DNAH9: variants seen among roughly 807,000 people sequenced by gnomAD.
DNAH9 encodes dynein axonemal heavy chain 9.
A neutral mutation model predicts 471.6 loss-of-function variants in DNAH9; 345 were observed. The ratio of observed to expected loss-of-function variants is 0.73; its 90% confidence interval spans 0.67 to 0.80. The LOEUF is 0.80. DNAH9 is among the 30% of genes least tolerant of loss of function. The pLI, the probability that DNAH9 is intolerant of heterozygous loss-of-function variation, is 0.00. For missense variants in DNAH9, 5,407 were observed against 5,609.2 expected, an observed-to-expected ratio of 0.96 and a Z score of 1.15; for synonymous variants, 2,093 against 2,123.6, an observed-to-expected ratio of 0.99 and a Z score of 0.40.
Position 11,619,616 on chromosome 17 carries a change from A to T in DNAH9, c.1185A>T (p.Gln395His), listed in dbSNP as rs1252302032. The T allele has an allele frequency of 3.7e-6, 6 of 1,614,206 alleles. No individual in the cohort carries two copies. Among genetic ancestry groups the T allele is most frequent in the Non-Finnish European group, 5.1e-6 (6 of 1,179,994 alleles). Residue 395 changes from glutamine (Q) to histidine (H), a missense_variant, in exon 6 of 69, where the codon CAA becomes CAT. Physicochemically the swap from Gln to His is conservative, Grantham distance 24. Around this residue, in one of 3 missense-constraint regions of DNAH9, gnomAD observed 767 missense variants for 692.5 expected, o/e 1.11. Coordinates refer to ENST00000262442, the MANE Select transcript of DNAH9 (RefSeq NM_001372.4). ...TAGAAGAAAGTCAGAGAAAACTGCA[A>T]GTGGTCTCAGACACTTTGAGCTTCT... ...SEVEESQRKL[Q>H]VVSDTLSFFK...
At chr17:11,845,001 T>C (rs1258952576) in intron 49 of DNAH9, among the ~76,000 whole-genome samples, 1 of 141,484 alleles carries the variant, frequency 7.1e-6, no homozygotes, top group Admixed American at 6.9e-5. Flanking sequence ...TTTACCATCT[T>C]TTTTTTTTTA....
At chr17:11,852,589 T>A (rs1466803995) in intron 49 of DNAH9, among the ~76,000 whole-genome samples, 1 of 151,854 alleles carries the variant, frequency 6.6e-6, no homozygotes, top group East Asian at 1.9e-4. Context: ...GTTCTTCAGA[T>A]GGAAGGTGCA....
At position 11,744,968 on chromosome 17, in the gene DNAH9, G is replaced by C; in HGVS notation, c.6283G>C (p.Gly2095Arg). The change falls in exon 31 of 69, where the codon GGG becomes CGG. Residue 2095 changes from glycine (G) to arginine (R), a missense_variant. Physicochemically the swap from Gly to Arg is moderately radical, Grantham distance 125. Around this residue, in one of 3 missense-constraint regions of DNAH9, gnomAD observed 4,636 missense variants for 4,900.3 expected, o/e 0.95. Coordinates refer to ENST00000262442, the MANE Select transcript of DNAH9 (RefSeq NM_001372.4). ...CATGCCCATCTTCATGGGCCTGATCGGGGACCTCTTTCCCGCCCTGGATGT... is the reference window on the plus strand; with the variant it reads ...CATGCCCATCTTCATGGGCCTGATCCGGGACCTCTTTCCCGCCCTGGATGT... The part of the protein sequence containing the change: ...DDMPIFMGLI[G>R]DLFPALDVPR... The C allele has an allele frequency of 6.2e-7, 1 of 1,614,110 alleles. No individual in the cohort carries two copies. The highest frequency in any genetic ancestry group is 8.5e-7 in the Non-Finnish European group (1 of 1,180,016).
intron 26 of DNAH9, among the ~76,000 whole-genome samples, chr17:11,708,593 G>T (rs1304342704): frequency 6.6e-6 from 1 of 152,062 alleles, no homozygotes; most frequent in African/African-American, 2.4e-5. Context: ...ATCCTGTCTG[G>T]GTTAAAGGAA....
chr17:11,667,134 A>G (rs951643306), intron 15 of DNAH9, among the ~76,000 whole-genome samples: 1 of 152,234 alleles, frequency 6.6e-6, no homozygotes, highest in Non-Finnish European at 1.5e-5. Context: ...AAAATCTCAT[A>G]CAGTCAAAAC....
intron 1 of DNAH9, among the ~76,000 whole-genome samples, chr17:11,606,673 G>A (rs2072515507): frequency 6.6e-6 from 1 of 151,768 alleles, no homozygotes; most frequent in African/African-American, 2.4e-5. Flanking sequence ...TGGTCTTGAT[G>A]TCCTGATCTC....
Position 11,823,051 on chromosome 17 carries a change from T to C in DNAH9, c.9246+17T>C. ...TCTGCCCAGGTGAGCAATGTCCCGC[T>C]CCTTCCACCTGCAGGGGACTTGGAG... On this transcript the variant is annotated intron_variant, in intron 48 of 68. Coordinates refer to ENST00000262442, the MANE Select transcript of DNAH9 (RefSeq NM_001372.4). 1 of 1,594,676 alleles carries C rather than the reference T, an allele frequency of 6.3e-7. No individual in the cohort carries two copies. Among genetic ancestry groups the C allele is most frequent in the South Asian group, 1.1e-5 (1 of 89,046 alleles).
chr17:11,905,566 A>G, intron 60 of DNAH9, 95 bp from the exon 61 acceptor site: 4 of 1,089,138 alleles, frequency 3.7e-6, no homozygotes, highest in East Asian at 2.5e-5. Flanking sequence ...GACCTTGAGC[A>G]TGTTCTTTCA....
At chr17:11,749,778 A>T (rs921146995) in intron 32 of DNAH9, among the ~76,000 whole-genome samples, 4 of 152,018 alleles carry the variant, frequency 2.6e-5, no homozygotes, top group Non-Finnish European at 5.9e-5. Context: ...CATTTACTAA[A>T]TTGCATATGT....
In DNAH9 at chr17:11,769,307, C is replaced by T. The variant is rs2052472833; in HGVS notation, c.7530C>T (p.Tyr2510=). The T allele has an allele frequency of 6.2e-7, 1 of 1,613,394 alleles. No homozygotes were observed. Among genetic ancestry groups the T allele is most frequent in the Non-Finnish European group, 8.5e-7 (1 of 1,179,740 alleles). ...TGAAAAACGTGCCATTCAACTACTACACCACGTCAGCAATGCTGCAGGGTA... is the reference window on the plus strand; with the variant it reads ...TGAAAAACGTGCCATTCAACTACTATACCACGTCAGCAATGCTGCAGGGTA... ...YLVKNVPFNY[Y]TTSAMLQAVL... Residue 2510 remains tyrosine (Y), a synonymous_variant, in exon 38 of 69, where the codon TAC becomes TAT. Transcript: ENST00000262442.
At position 11,891,948 on chromosome 17, in the gene DNAH9, G is replaced by A; in HGVS notation, c.11283+1G>A. ...CTACCTTGCCCAGCTCACCTTTCAG[G>A]TAAAAGTGGATTGAAGAAGTTTCCA... On this transcript the variant is annotated splice_donor_variant, in intron 58 of 68. Transcript: ENST00000262442. LOFTEE classifies it high-confidence loss of function. The A allele has an allele frequency of 6.2e-7, 1 of 1,612,384 alleles. No homozygotes were observed.
At chr17:11,825,149 C>A (rs928878030) in intron 48 of DNAH9, among the ~76,000 whole-genome samples, 6 of 152,144 alleles carry the variant, frequency 3.9e-5, no homozygotes, top group Non-Finnish European at 8.8e-5. Flanking sequence ...CTACACAGAT[C>A]CCAGTCTAGG....
intron 62 of DNAH9, among the ~76,000 whole-genome samples, chr17:11,926,902 A>G (rs1208854634): frequency 1.3e-5 from 2 of 152,110 alleles, no homozygotes; most frequent in Non-Finnish European, 2.9e-5. Flanking sequence ...TTTTTCTCCA[A>G]AACCTCACCA....
At position 11,834,799 on chromosome 17, in the gene DNAH9, G is replaced by A; in HGVS notation, c.9408G>A (p.Met3136Ile). Residue 3136 changes from methionine to isoleucine, a missense_variant, in exon 49 of 69, where the codon ATG becomes ATA. Physicochemically the swap from Met to Ile is conservative, Grantham distance 10 (BLOSUM62 1). This residue lies in a region of DNAH9 where 4,636 missense variants were observed against 4,900.3 expected (regional missense o/e 0.95). Coordinates refer to ENST00000262442, the MANE Select transcript of DNAH9 (RefSeq NM_001372.4). ...DEEEQKVAVI[M>I]LEVKQKQKDC... is the part of the protein sequence containing the mutation. Reference sequence around the variant, plus strand: ...AGGAGCAGAAGGTGGCCGTCATCATGCTAGAGGTGAAACAGAAGCAGAAGG... The same window carrying A: ...AGGAGCAGAAGGTGGCCGTCATCATACTAGAGGTGAAACAGAAGCAGAAGG... 1.2e-6 allele frequency: 2 copies of A among 1,614,142 alleles called. No individual in the cohort carries two copies. Among genetic ancestry groups the A allele is most frequent in the Non-Finnish European group, 1.7e-6 (2 of 1,180,024 alleles).
At chr17:11,610,634 C>A in intron 3 of DNAH9, 80 bp downstream of exon 3, 1 of 1,381,826 alleles carries the variant, frequency 7.2e-7, no homozygotes, top group Non-Finnish European at 1.0e-6. Flanking sequence ...CTGGGTTAAG[C>A]CACCATTGAG....
rs1267424397 is a variant in DNAH9 at position 11,739,008 on chromosome 17, G to A, written c.5943G>A (p.Glu1981=). Residue 1981 remains glutamate (E), a synonymous_variant, in exon 29 of 69, where the codon GAG becomes GAA. Transcript: ENST00000262442. The part of the protein sequence containing the change: ...TMNPGYAGRT[E]LPENLKSLFR... ...ACCCAGGCTATGCTGGCCGCACAGA[G>A]CTGCCAGAGAATCTCAAGTCTCTCT... is the stretch of plus-strand genomic sequence containing the variant. 1 of 1,613,872 alleles carries A rather than the reference G, an allele frequency of 6.2e-7. No homozygotes were observed. The highest frequency in any genetic ancestry group is 1.3e-5 in the African/African-American group (1 of 74,926).
chr17:11,645,094 A>G (rs2073355548), intron 11 of DNAH9, among the ~76,000 whole-genome samples: 1 of 152,242 alleles, frequency 6.6e-6, no homozygotes, highest in Non-Finnish European at 1.5e-5. Context: ...TTGAGAAAGC[A>G]TAAGAGTGAA....
chr17:11,957,405 G>A (rs963966755), intron 67 of DNAH9, among the ~76,000 whole-genome samples: 3 of 151,972 alleles, frequency 2.0e-5, no homozygotes, highest in Admixed American at 2.0e-4. Context: ...TATTCCTCCT[G>A]CTAAGTATAA....
chr17:11,871,540 G>T, intron 51 of DNAH9, 58 bp from the exon 52 acceptor site: 1 of 1,513,228 alleles, frequency 6.6e-7, no homozygotes, highest in South Asian at 1.2e-5. Context: ...ATGGAATCAC[G>T]GCTCTATCAC....
Sources: allele counts gnomAD v4.1 joint callset (sites outside exome capture counted in the v4.1 genomes callset), GRCh38; gene constraint gnomAD v4.1.1; regional missense constraint gnomAD v4.1.1; transcripts MANE v1.5; gene names NCBI Gene and HGNC (gene_info 2026-07-23, HGNC 2026-07-21).